CTNNA2: variants seen among roughly 807,000 people sequenced by gnomAD.
The protein encoded by CTNNA2 is catenin alpha 2.
Under a neutral mutation model 101.0 loss-of-function variants are expected in CTNNA2, and 42 were observed. That is an observed-to-expected ratio of 0.42 (90% CI 0.32 to 0.54). The LOEUF (loss-of-function observed/expected upper bound fraction) is 0.54, where lower values mean the gene tolerates loss of function less well. Ranked by LOEUF, CTNNA2 falls within the 20% of genes least tolerant of loss-of-function variation. The pLI is 0.14. For synonymous variants in CTNNA2, 450 were observed against 456.4 expected, an observed-to-expected ratio of 0.99 and a Z score of 0.18; for missense variants, 871 against 1,223.1, an observed-to-expected ratio of 0.71 and a Z score of 4.29.
At chr2:79,918,524 A>G (rs1343234174) in intron 7 of CTNNA2, among the ~76,000 whole-genome samples, 1 of 152,208 alleles carries the variant, frequency 6.6e-6, no homozygotes, top group Non-Finnish European at 1.5e-5. Flanking sequence ...TACAGAGAGT[A>G]AAAATGGGAA....
intron 9 of CTNNA2, among the ~76,000 whole-genome samples, chr2:80,537,039 G>A (rs1291678053): frequency 2.6e-5 from 4 of 152,050 alleles, no homozygotes; most frequent in African/African-American, 7.2e-5. Flanking sequence ...AGCCCCACAT[G>A]CATTAGGTAT....
At chr2:80,568,566 C>CGTGTGTGTGTGTGTGTGT (rs36104924) in intron 12 of CTNNA2, among the ~76,000 whole-genome samples, 4 of 149,310 alleles carry the variant, frequency 2.7e-5, no homozygotes, top group African/African-American at 9.9e-5. Flanking sequence ...TAATGGTGTG[C>CGTGTGTGTGTGTGTGTGT]GTGTGTGTGT....
intron 3 of CTNNA2, among the ~76,000 whole-genome samples, chr2:79,820,488 T>G (rs533379160): frequency 1.3e-5 from 2 of 152,200 alleles, no homozygotes; most frequent in African/African-American, 4.8e-5. Context: ...ATCTTCGGAA[T>G]GTCTTTCGAT....
At chr2:79,679,475 G>A (rs1357671549) in intron 2 of CTNNA2, among the ~76,000 whole-genome samples, 3 of 151,870 alleles carry the variant, frequency 2.0e-5, no homozygotes, top group Non-Finnish European at 4.4e-5. Context: ...TCACCATGGC[G>A]GTCATGAAAG....
At chr2:80,499,610 G>A (rs1687721490) in intron 9 of CTNNA2, among the ~76,000 whole-genome samples, 1 of 151,966 alleles carries the variant, frequency 6.6e-6, no homozygotes, top group Admixed American at 6.6e-5. Context: ...ATCATCTGAG[G>A]TCAGGAGTTC....
At chr2:80,340,471 T>C (rs1672126174) in intron 7 of CTNNA2, among the ~76,000 whole-genome samples, 1 of 152,242 alleles carries the variant, frequency 6.6e-6, no homozygotes, top group Admixed American at 6.5e-5. Context: ...TTCATAATTT[T>C]CTTTAATCTT....
At chr2:79,627,911 C>T (rs1679425373) in intron 1 of CTNNA2, among the ~76,000 whole-genome samples, 1 of 152,092 alleles carries the variant, frequency 6.6e-6, no homozygotes, top group Non-Finnish European at 1.5e-5. Flanking sequence ...ATATACTGTT[C>T]TTTGAATAGC....
At chr2:79,576,536 C>T (rs1427159192) in intron 1 of CTNNA2, among the ~76,000 whole-genome samples, 1 of 152,112 alleles carries the variant, frequency 6.6e-6, no homozygotes, top group Non-Finnish European at 1.5e-5. Flanking sequence ...ACAAGAGTCT[C>T]ATCGATTTGT....
At chr2:79,818,825 A>T (rs1314300692) in intron 3 of CTNNA2, among the ~76,000 whole-genome samples, 2 of 109,058 alleles carry the variant, frequency 1.8e-5, no homozygotes, top group Admixed American at 8.3e-5. Context: ...ATGCAATTAT[A>T]TATATATATA....
chr2:80,604,452 A>C (rs1184719814), intron 16 of CTNNA2, among the ~76,000 whole-genome samples: 4 of 151,932 alleles, frequency 2.6e-5, no homozygotes. Flanking sequence ...CTGAAGAGTC[A>C]CGGATTGTCC....
At chr2:80,581,094 A>G (rs1695496672) in intron 13 of CTNNA2, among the ~76,000 whole-genome samples, 1 of 152,188 alleles carries the variant, frequency 6.6e-6, no homozygotes, top group African/African-American at 2.4e-5. Flanking sequence ...TACAGATAAT[A>G]CATTGCCTAA....
chr2:79,329,919 C>T lies in CTNNA2; in HGVS notation c.-318+17123C>T, dbSNP rs547829032. ...GCTTCCATTCTAGCAAAGTGAATCA[C>T]TCCTGCAATTTGCCCCAGCAGGGTG... On this transcript the variant is annotated intron_variant, in intron 3 of 21. Transcript: ENST00000466387. 7.9e-5 allele frequency among the ~76,000 whole-genome samples: 12 copies of T among 152,284 alleles called. No homozygotes were observed. In the East Asian group the frequency reaches 2.3e-3, roughly 29 times the overall value.
At chr2:79,445,204 T>G (rs1678819838) in intron 4 of CTNNA2, among the ~76,000 whole-genome samples, 1 of 152,146 alleles carries the variant, frequency 6.6e-6, no homozygotes, top group African/African-American at 2.4e-5. Context: ...CCAAATAGCC[T>G]GAACTAAAAG....
At chr2:79,536,316 T>C (rs556165334) in intron 1 of CTNNA2, among the ~76,000 whole-genome samples, 29 of 152,286 alleles carry the variant, frequency 1.9e-4, no homozygotes, top group Non-Finnish European at 4.0e-4. Context: ...GCAAGCTGTA[T>C]GGTTTGTCAC....
At chr2:80,114,256 G>A (rs1478350144) in intron 7 of CTNNA2, among the ~76,000 whole-genome samples, 2 of 152,160 alleles carry the variant, frequency 1.3e-5, no homozygotes, top group Non-Finnish European at 2.9e-5. Context: ...GGAATCGGTT[G>A]GGTTCCTGAA....
At chr2:80,610,252 T>A (rs216672) in intron 17 of CTNNA2, among the ~76,000 whole-genome samples, 33,757 of 151,450 alleles carry the variant, frequency 0.22, 5,331 homozygotes, top group African/African-American at 0.45. Flanking sequence ...CCTCCATCTT[T>A]TTCTTCATGC....
At position 80,118,493 on chromosome 2, in the gene CTNNA2, A is replaced by C. The variant is rs539655544; in HGVS notation, c.1056+208696A>C. On this transcript the variant is annotated intron_variant, in intron 7 of 18. Coordinates refer to ENST00000402739, the MANE Select transcript of CTNNA2 (RefSeq NM_001282597.3). The stretch of plus-strand genomic sequence containing the variant: ...AAGGCATGATTTGTTTAGTTTAATA[A>C]GGCTTTGATTGCAGGTATCAGCACA... 2.1e-3 allele frequency among the ~76,000 whole-genome samples: 320 copies of C among 152,328 alleles called. 2 individuals are homozygous for C. The highest frequency in any genetic ancestry group is 7.3e-3 in the African/African-American group (304 of 41,574).
intron 6 of CTNNA2, among the ~76,000 whole-genome samples, chr2:79,902,176 T>C (rs1574269804): frequency 6.6e-6 from 1 of 152,214 alleles, no homozygotes; most frequent in African/African-American, 2.4e-5. Flanking sequence ...GAAATGGCTG[T>C]TGCATTGATT....
intron 3 of CTNNA2, among the ~76,000 whole-genome samples, chr2:79,778,538 G>T (rs572148308): frequency 6.6e-6 from 1 of 152,048 alleles, no homozygotes; most frequent in South Asian, 2.1e-4. Flanking sequence ...GTATATATGG[G>T]TATATGCAGT....
Sources: gnomAD v4.1 joint callset for allele counts (sites outside exome capture counted in the v4.1 genomes callset) on GRCh38, gnomAD v4.1.1 for gene constraint, MANE v1.5 for transcripts, NCBI Gene and HGNC (gene_info 2026-07-23, HGNC 2026-07-21) for gene names.